Variants in ATP8A2 observed in about 807,000 individuals in gnomAD.
ATP8A2 encodes ATPase phospholipid transporting 8A2, also known as phospholipid-transporting ATPase IB.
ATP8A2 carries 100 observed loss-of-function variants against 165.6 expected under a neutral mutation model. That is an observed-to-expected ratio of 0.60 (90% CI 0.51 to 0.71). ATP8A2 has a LOEUF of 0.71. ATP8A2 is among the 30% of genes least tolerant of loss of function. The probability of loss-of-function intolerance (pLI) is 0.00; values close to 1 mark genes in which losing one functional copy is unlikely to be tolerated. For missense variants in ATP8A2, 1,227 were observed against 1,479.5 expected (o/e 0.83, Z 2.80); for synonymous variants, 543 against 548.8 (o/e 0.99, Z 0.15).
At chr13:25,438,049 G>A (rs770543763) in intron 1 of ATP8A2, among the ~76,000 whole-genome samples, 3 of 152,028 alleles carry the variant, frequency 2.0e-5, no homozygotes, top group African/African-American at 4.8e-5. Flanking sequence ...TTTTTATTGT[G>A]TTTGTATTGT....
intron 35 of ATP8A2, among the ~76,000 whole-genome samples, chr13:26,009,614 C>T (rs1196406308): frequency 6.6e-6 from 1 of 152,134 alleles, no homozygotes; most frequent in Admixed American, 6.5e-5. Flanking sequence ...GGTCATTGAG[C>T]AGGGACTTCT....
intron 33 of ATP8A2, among the ~76,000 whole-genome samples, chr13:25,897,363 C>T (rs1302989560): frequency 1.3e-5 from 2 of 152,320 alleles, no homozygotes; most frequent in East Asian, 3.9e-4. Flanking sequence ...TATTGGCCCC[C>T]ACTCTCTTCT....
In ATP8A2 at chr13:26,022,155, C is replaced by T. The variant is rs946326500; in HGVS notation, c.*2170C>T. The T allele has an allele frequency of 5.3e-5, 8 of 152,160 alleles. No homozygotes were observed. The highest frequency in any genetic ancestry group is 1.4e-4 in the African/African-American group (6 of 41,434). 9.4% of individuals were successfully genotyped at this position (152,160 alleles called of 1,614,324 possible). A position where few individuals can be genotyped will look rare whatever the true frequency, so the allele number is the denominator to read the frequency against. ...ACACAAAATGTGCCTATGACTAACA[C>T]GACAAACCAAGGTGTATGGTTTCTT... is the stretch of plus-strand genomic sequence containing the variant. On this transcript the variant is annotated 3_prime_UTR_variant, in exon 37 of 37. Transcript: ENST00000381655.
intron 2 of ATP8A2, among the ~76,000 whole-genome samples, chr13:25,512,955 G>A (rs1356591145): frequency 7.3e-6 from 1 of 136,816 alleles, no homozygotes; most frequent in Non-Finnish European, 1.7e-5. Flanking sequence ...TGGCCGGGTG[G>A]GGGGCTGACC....
chr13:25,874,654 C>T (rs1472080095), intron 33 of ATP8A2, among the ~76,000 whole-genome samples: 4 of 152,110 alleles, frequency 2.6e-5, no homozygotes, highest in Admixed American at 1.3e-4. Flanking sequence ...GAAAACAGCA[C>T]GGAGGTGGCT....
At chr13:25,759,018 GGAGA>G (rs200117675) in intron 25 of ATP8A2, among the ~76,000 whole-genome samples, 7 of 152,038 alleles carry the variant, frequency 4.6e-5, no homozygotes, top group Non-Finnish European at 7.4e-5. Context: ...AAGGAAGGGG[GGAGA>G]GAGAGAAAGG....
chr13:25,759,236 G>T (rs2044329244), intron 25 of ATP8A2, among the ~76,000 whole-genome samples: 1 of 151,992 alleles, frequency 6.6e-6, no homozygotes, highest in African/African-American at 2.4e-5. Flanking sequence ...GTAGATATGG[G>T]ATTGGTAATC....
At chr13:25,438,429 A>G (rs2034839074) in intron 1 of ATP8A2, among the ~76,000 whole-genome samples, 1 of 152,126 alleles carries the variant, frequency 6.6e-6, no homozygotes. Flanking sequence ...GGATTGCTTG[A>G]GGCCAGGAGT....
chr13:25,680,890 G>C (rs891004349), intron 24 of ATP8A2, among the ~76,000 whole-genome samples: 9 of 152,118 alleles, frequency 5.9e-5, no homozygotes, highest in African/African-American at 2.2e-4. Flanking sequence ...ATTGTAAAAG[G>C]GACACTGTAT....
At chr13:25,435,379 A>T (rs569697340) in intron 1 of ATP8A2, among the ~76,000 whole-genome samples, 1 of 152,146 alleles carries the variant, frequency 6.6e-6, no homozygotes, top group Non-Finnish European at 1.5e-5. Context: ...TCGGCCTCCC[A>T]AAGTCCTGAG....
chr13:25,861,741 G>A (rs1379185256), intron 32 of ATP8A2, among the ~76,000 whole-genome samples: 2 of 152,172 alleles, frequency 1.3e-5, no homozygotes, highest in African/African-American at 4.8e-5. Flanking sequence ...ATTGTGGGGT[G>A]TGAAGAGAGA....
intron 27 of ATP8A2, among the ~76,000 whole-genome samples, chr13:25,776,871 C>G (rs530289970): frequency 6.6e-6 from 1 of 152,254 alleles, no homozygotes; most frequent in African/African-American, 2.4e-5. Context: ...ATAGTCTAGA[C>G]TTCTTATCAA....
At chr13:25,687,329 ATATGAT>A (rs1488618056) in intron 24 of ATP8A2, among the ~76,000 whole-genome samples, 1 of 152,224 alleles carries the variant, frequency 6.6e-6, no homozygotes, top group Non-Finnish European at 1.5e-5. Context: ...TTGAAAGGTT[ATATGAT>A]CCACAAAGAG....
At chr13:25,861,472 G>A (rs373887470) in intron 32 of ATP8A2, among the ~76,000 whole-genome samples, 6 of 152,190 alleles carry the variant, frequency 3.9e-5, no homozygotes, top group Non-Finnish European at 7.3e-5. Context: ...AGCATTTAAA[G>A]ATTATAACTA....
intron 33 of ATP8A2, among the ~76,000 whole-genome samples, chr13:25,889,164 C>G (rs1015485318): frequency 4.7e-5 from 7 of 148,876 alleles, no homozygotes; most frequent in African/African-American, 1.7e-4. Flanking sequence ...GTTGTTGCTT[C>G]AGGCCTGATC....
intron 2 of ATP8A2, among the ~76,000 whole-genome samples, chr13:25,497,675 G>A (rs1376232236): frequency 1.3e-5 from 2 of 151,960 alleles, no homozygotes; most frequent in Admixed American, 6.6e-5. Context: ...ATTTTCAGCC[G>A]GGCACGGTGG....
At chr13:25,509,156 G>A (rs1407849290) in intron 2 of ATP8A2, among the ~76,000 whole-genome samples, 4 of 152,088 alleles carry the variant, frequency 2.6e-5, no homozygotes, top group Admixed American at 2.6e-4. Context: ...ATATCAGTGT[G>A]GTATATTATG....
intron 24 of ATP8A2, among the ~76,000 whole-genome samples, chr13:25,639,490 T>C (rs2041457400): frequency 6.6e-6 from 1 of 151,906 alleles, no homozygotes; most frequent in South Asian, 2.1e-4. Context: ...TCAATGAAGA[T>C]CGAAAGAGAC....
intron 2 of ATP8A2, among the ~76,000 whole-genome samples, chr13:25,493,879 A>C (rs2036596980): frequency 6.6e-6 from 1 of 152,110 alleles, no homozygotes; most frequent in African/African-American, 2.4e-5. Context: ...GAGGGCTGCC[A>C]GTAGGTGAGC....
Sources: gnomAD v4.1 joint callset for allele counts (sites outside exome capture counted in the v4.1 genomes callset) on GRCh38, gnomAD v4.1.1 for gene constraint, MANE v1.5 for transcripts, NCBI Gene and HGNC (gene_info 2026-07-23, HGNC 2026-07-21) for gene names.